Variants in FRMD1 observed in about 807,000 individuals in gnomAD.
FRMD1 encodes the protein FERM domain containing 1.
Under a neutral mutation model 54.9 loss-of-function variants are expected in FRMD1, and 51 were observed. The ratio of observed to expected loss-of-function variants is 0.93; its 90% CI spans 0.74 to 1.17. The LOEUF (loss-of-function observed/expected upper bound fraction) is 1.17. Among genes scored for constraint, FRMD1 ranks in the 50% most tolerant of loss-of-function variants. FRMD1 has a pLI of 0.00. For missense variants in FRMD1, 729 were observed against 743.0 expected (o/e 0.98, Z 0.22); for synonymous variants, 324 against 306.4 (o/e 1.06, Z -0.60).
intron 2 of FRMD1, among the ~76,000 whole-genome samples, chr6:168,073,924 C>A (rs1297876723): frequency 2.0e-5 from 3 of 152,030 alleles, no homozygotes; most frequent in Non-Finnish European, 4.4e-5. Context: ...CCTCCCCAGG[C>A]AGCAAGACAG....
chr6:168,082,211 C>T (rs1196125963), upstream of FRMD1, among the ~76,000 whole-genome samples: 5 of 152,240 alleles, frequency 3.3e-5, no homozygotes, highest in Non-Finnish European at 5.9e-5. Flanking sequence ...CCTTTCTGCA[C>T]GTCACAGACC....
chr6:168,074,367 G>A (rs1399014668), intron 2 of FRMD1, among the ~76,000 whole-genome samples: 2 of 152,234 alleles, frequency 1.3e-5, no homozygotes, highest in African/African-American at 4.8e-5. Flanking sequence ...CATTGTGCAG[G>A]TGTGGTGTGT....
chr6:168,060,986 C>A lies in FRMD1; in HGVS notation c.1117G>T (p.Gly373Cys). ...CAGTGCTGGCTGCTGACCCCACTGC[C>A]CGGGAAGCTCCTGCTGGCCAGGTCC... ...ELDLASRSFP[G>C]SGVSSQHCPH... is the part of the protein sequence containing the mutation. The change falls in exon 9 of 11, where the codon GGC becomes TGC. Residue 373 changes from glycine (G) to cysteine (C), a missense_variant. Transcript: ENST00000283309. The A allele has an allele frequency of 6.2e-7, 1 of 1,613,070 alleles. No homozygotes were observed. The highest frequency in any genetic ancestry group is 8.5e-7 in the Non-Finnish European group (1 of 1,179,948).
intron 1 of FRMD1, among the ~76,000 whole-genome samples, chr6:168,089,513 C>T (rs1326972081): frequency 3.3e-5 from 5 of 152,308 alleles, no homozygotes; most frequent in Admixed American, 6.5e-5. Flanking sequence ...GGAGGAGGAC[C>T]GAGGCAGGAA....
At chr6:168,074,482 G>A (rs1048508234) in intron 2 of FRMD1, among the ~76,000 whole-genome samples, 76 of 151,586 alleles carry the variant, frequency 5.0e-4, no homozygotes, top group African/African-American at 1.7e-3. Flanking sequence ...GTGCATGCAT[G>A]TGTACATGTG....
chr6:168,091,226 C>G (rs35453512), intron 1 of FRMD1, among the ~76,000 whole-genome samples: 54,651 of 152,050 alleles, frequency 0.36, 10,617 homozygotes, highest in African/African-American at 0.52. Flanking sequence ...CCAAGGAGCC[C>G]CGGGGCTGGA....
At position 168,067,105 on chromosome 6, in the gene FRMD1, C is replaced by T. The variant is rs775970071; in HGVS notation, c.384+262G>A. ...CTCAGGGCTCACCACAGTCCCCCTG[C>T]GGACAGCCCCTCTGGACGGAGCAGC... On this transcript the variant is annotated intron_variant, in intron 3 of 10. Transcript: ENST00000283309. The T allele has an allele frequency of 2.7e-5, 19 of 704,332 alleles. 1 individual carries two copies. The highest frequency in any genetic ancestry group is 9.0e-5 in the South Asian group (6 of 66,832). 43.6% of individuals were successfully genotyped at this position (704,332 alleles called of 1,614,324 possible).
At chr6:168,080,838 C>A (rs950360966), upstream of FRMD1, among the ~76,000 whole-genome samples, 1 of 150,984 alleles carries the variant, frequency 6.6e-6, no homozygotes, top group East Asian at 1.9e-4. Context: ...TTTGTGCGGG[C>A]GCTGGTGTGT....
chr6:168,075,831 G>T (rs1231276391), intron 1 of FRMD1: 2 of 1,541,140 alleles, frequency 1.3e-6, no homozygotes, highest in Non-Finnish European at 1.8e-6. Context: ...CGTCTGGTGC[G>T]TGTCCCTGTT....
upstream of FRMD1, among the ~76,000 whole-genome samples, chr6:168,083,939 G>A (rs1417497299): frequency 6.6e-6 from 1 of 152,118 alleles, no homozygotes; most frequent in Non-Finnish European, 1.5e-5. Context: ...TCTTATTTAA[G>A]GCTTCCTAAA....
chr6:168,091,933 G>C (rs1277402741), intron 1 of FRMD1, among the ~76,000 whole-genome samples: 1 of 152,228 alleles, frequency 6.6e-6, no homozygotes, highest in Non-Finnish European at 1.5e-5. Context: ...GTGGCCAGTG[G>C]CCAGTGACCA....
At chr6:168,078,784 ACGGCCACCCAGGGCC>A (rs1800723280) in intron 1 of FRMD1, 83 bp downstream of exon 1, 11 of 66,082 alleles carry the variant, frequency 1.7e-4, no homozygotes, top group East Asian at 3.1e-4. Flanking sequence ...GCTCACCCCC[ACGGCCACCCAGGGCC>A]CTGCTCACCC....
rs1562412347 is a variant in FRMD1 at position 168,063,593 on chromosome 6, G to C, written c.804+8C>G. 4 of 1,606,336 alleles carry C rather than the reference G, an allele frequency of 2.5e-6. No individual in the cohort carries two copies. The highest frequency in any genetic ancestry group is 3.4e-6 in the Non-Finnish European group (4 of 1,176,616). Reference sequence around the variant, plus strand: ...GTCCAGCCCATCGCTGGCCGCCCTGGGCTCGACCTTGTGCAGCCTGAAGAA... The same window carrying C: ...GTCCAGCCCATCGCTGGCCGCCCTGCGCTCGACCTTGTGCAGCCTGAAGAA... On this transcript the variant is annotated splice_region_variant and intron_variant, in intron 6 of 10. Transcript: ENST00000283309.
intron 1 of FRMD1, among the ~76,000 whole-genome samples, chr6:168,092,028 C>T (rs1002299382): frequency 1.3e-5 from 2 of 152,256 alleles, no homozygotes; most frequent in African/African-American, 4.8e-5. Context: ...CCGGCCTCCA[C>T]AGCGCTGCAC....
In FRMD1 at chr6:168,062,121, C is replaced by T. The variant is rs1405918415; in HGVS notation, c.871-140G>A. 3.1e-5 allele frequency: 27 copies of T among 875,056 alleles called. No individual in the cohort carries two copies. In the East Asian group the frequency reaches 3.5e-4, roughly 11 times the overall value. 54.2% of individuals were successfully genotyped at this position (875,056 alleles called of 1,614,324 possible). A position where few individuals can be genotyped will look rare whatever the true frequency, so the allele number is the denominator to read the frequency against. ...ACTTCGCAGTGCAGATGGCTGTTGG[C>T]GGACACTGTGCGCGGACACTGTGCT... On this transcript the variant is annotated intron_variant, in intron 7 of 10. Transcript: ENST00000283309.
intron 1 of FRMD1, among the ~76,000 whole-genome samples, chr6:168,078,422 G>A (rs995011954): frequency 6.6e-6 from 1 of 152,044 alleles, no homozygotes; most frequent in African/African-American, 2.4e-5. Context: ...CAGTGAAAGG[G>A]CTGGCCCTTG....
intron 2 of FRMD1, among the ~76,000 whole-genome samples, chr6:168,071,777 T>G (rs1327338259): frequency 1.3e-5 from 2 of 152,182 alleles, no homozygotes; most frequent in African/African-American, 4.8e-5. Context: ...GCCAGTAATC[T>G]CCCTTTGTGT....
Position 168,062,930 on chromosome 6 carries a change from G to A in FRMD1, c.834C>T (p.Ile278=). 1 of 1,614,086 alleles carries A rather than the reference G, an allele frequency of 6.2e-7. No individual in the cohort carries two copies. Among genetic ancestry groups the A allele is most frequent in the Non-Finnish European group, 8.5e-7 (1 of 1,179,940 alleles). The part of the protein sequence containing the change: ...KDKKEGRPTV[I]LGLALRGVHI... ...GCACTCCCCTGAGGGCCAGTCCCAG[G>A]ATCACGGTGGGACGACCTTCCTTCT... The change falls in exon 7 of 11, where the codon ATC becomes ATT. Residue 278 remains isoleucine, a synonymous_variant. Coordinates refer to ENST00000283309, the MANE Select transcript of FRMD1 (RefSeq NM_024919.6).
intron 8 of FRMD1, among the ~76,000 whole-genome samples, chr6:168,061,518 G>C (rs1273482911): frequency 6.6e-6 from 1 of 152,250 alleles, no homozygotes; most frequent in African/African-American, 2.4e-5. Context: ...CTCTTTGTGG[G>C]CACATGATGG....
Sources: allele counts gnomAD v4.1 joint callset (sites outside exome capture counted in the v4.1 genomes callset), GRCh38; gene constraint gnomAD v4.1.1; transcripts MANE v1.5; gene names NCBI Gene and HGNC (gene_info 2026-07-23, HGNC 2026-07-21).